MAGI1: variants seen among roughly 807,000 people sequenced by gnomAD.
MAGI1 encodes the protein membrane-associated guanylate kinase, WW and PDZ domain-containing protein 1.
Under a neutral mutation model 139.9 loss-of-function variants are expected in MAGI1, and 58 were observed. The ratio of observed to expected loss-of-function variants is 0.41; its 90% CI spans 0.34 to 0.52. The LOEUF (loss-of-function observed/expected upper bound fraction) is 0.52, where lower values mean the gene tolerates loss of function less well. MAGI1 is among the 20% of genes least tolerant of loss of function. The pLI, the probability that MAGI1 is intolerant of heterozygous loss-of-function variation, is 0.12. For synonymous variants in MAGI1, 812 were observed against 737.9 expected (o/e 1.10, Z -1.63); for missense variants, 1,874 against 1,901.6 (o/e 0.99, Z 0.27).
At chr3:65,717,090 A>C (rs1042261095) in intron 1 of MAGI1, among the ~76,000 whole-genome samples, 1 of 152,222 alleles carries the variant, frequency 6.6e-6, no homozygotes, top group African/African-American at 2.4e-5. Context: ...TGGGCAAATC[A>C]CATGAATCTT....
chr3:66,026,298 A>T (rs59110066), intron 1 of MAGI1, among the ~76,000 whole-genome samples: 1,993 of 152,308 alleles, frequency 0.013, 45 homozygotes, highest in African/African-American at 0.04. Context: ...GACCTTCAAC[A>T]TAATTAATTC....
At chr3:65,827,035 G>T (rs56753105) in intron 1 of MAGI1, among the ~76,000 whole-genome samples, 13,575 of 152,102 alleles carry the variant, frequency 0.089, 1,014 homozygotes, top group South Asian at 0.22. Flanking sequence ...ATTTCTCAAA[G>T]AAGTTCAGCA....
chr3:65,382,717 T>G (rs1320875053), intron 15 of MAGI1, among the ~76,000 whole-genome samples: 1 of 152,232 alleles, frequency 6.6e-6, no homozygotes, highest in Non-Finnish European at 1.5e-5. Flanking sequence ...AAATAGTTGC[T>G]AAGAACATGA....
chr3:65,530,865 A>ACG, intron 2 of MAGI1, among the ~76,000 whole-genome samples: 1 of 144,110 alleles, frequency 6.9e-6, no homozygotes, highest in African/African-American at 2.6e-5. Flanking sequence ...ATATATATAT[A>ACG]TATGGAGAGA....
At chr3:65,891,884 TAATATATATATATATATATATATATA>T (rs1391343190) in intron 1 of MAGI1, among the ~76,000 whole-genome samples, 1 of 85,886 alleles carries the variant, frequency 1.2e-5, no homozygotes, top group African/African-American at 4.8e-5. Context: ...ACTTAAAGTA[TAATATATATATATATATATATATATA>T]TATATATATA....
Position 65,628,977 on chromosome 3 carries a change from G to C in MAGI1, c.314-6889C>G, listed in dbSNP as rs11914751. Among the ~76,000 whole-genome samples, 1,140 of 152,106 alleles carry C rather than the reference G, an allele frequency of 7.5e-3. 12 individuals carry two copies. The highest frequency in any genetic ancestry group is 0.027 in the African/African-American group (1,103 of 41,482). ...TAAAAAGATATTCTTATATATTCTA[G>C]ATAGGGTTCCTTTAGCACTTATTTA... On this transcript the variant is annotated intron_variant, in intron 1 of 22. Transcript: ENST00000402939.
intron 1 of MAGI1, among the ~76,000 whole-genome samples, chr3:65,646,291 A>G (rs1037100546): frequency 6.6e-6 from 1 of 152,188 alleles, no homozygotes; most frequent in Non-Finnish European, 1.5e-5. Flanking sequence ...AAGAAACTTA[A>G]CATAGACAGG....
chr3:65,446,456 C>T (rs997139070), intron 7 of MAGI1, among the ~76,000 whole-genome samples: 4 of 152,200 alleles, frequency 2.6e-5, no homozygotes, highest in Admixed American at 6.5e-5. Context: ...CAAGTCACCA[C>T]GATATCACAG....
chr3:65,673,223 A>T (rs1187132535), intron 1 of MAGI1, among the ~76,000 whole-genome samples: 1 of 152,094 alleles, frequency 6.6e-6, no homozygotes, highest in Non-Finnish European at 1.5e-5. Flanking sequence ...CATTTCTCCT[A>T]ATGTTTATAC....
Position 65,382,060 on chromosome 3 carries a change from C to T in MAGI1, c.2518G>A (p.Gly840Ser). The change falls in exon 16 of 23, where the codon GGT becomes AGT. Residue 840 changes from glycine (G) to serine (S), a missense_variant. This residue lies in a region of MAGI1 where 482 missense variants were observed against 509.6 expected (regional missense o/e 0.95). Coordinates refer to ENST00000402939, the MANE Select transcript of MAGI1 (RefSeq NM_001033057.2). ...GNEPGEPIYI[G>S]HIVPLGAADT... ...GCAGCACCCAGTGGTACGATGTGAC[C>T]AATATAAATCTGTTGAGTAATTGAA... 6.2e-7 allele frequency: 1 copy of T among 1,603,410 alleles called. No individual in the cohort carries two copies. Among genetic ancestry groups the T allele is most frequent in the Non-Finnish European group, 8.5e-7 (1 of 1,174,404 alleles).
intron 17 of MAGI1, among the ~76,000 whole-genome samples, chr3:65,378,476 C>CATGTAGTAT (rs1559508128): frequency 1.3e-5 from 2 of 152,094 alleles, no homozygotes; most frequent in Admixed American, 1.3e-4. Flanking sequence ...TATTTTTACT[C>CATGTAGTAT]CTTACACCTC....
intron 2 of MAGI1, among the ~76,000 whole-genome samples, chr3:65,520,938 T>C (rs1576165767): frequency 6.6e-6 from 1 of 152,182 alleles, no homozygotes; most frequent in Admixed American, 6.6e-5. Flanking sequence ...GGCAAACATA[T>C]TAGCCAATTC....
At chr3:65,861,956 C>T (rs1382131143) in intron 1 of MAGI1, among the ~76,000 whole-genome samples, 1 of 152,160 alleles carries the variant, frequency 6.6e-6, no homozygotes, top group Admixed American at 6.6e-5. Flanking sequence ...ACCGGTAAGA[C>T]CTCTTGCACA....
intron 1 of MAGI1, among the ~76,000 whole-genome samples, chr3:66,007,891 A>ATTT (rs35578902): frequency 7.3e-5 from 9 of 122,504 alleles, no homozygotes; most frequent in East Asian, 2.3e-4. Flanking sequence ...GGCTCCATAG[A>ATTT]TTTTTTTTTT....
intron 1 of MAGI1, among the ~76,000 whole-genome samples, chr3:66,013,742 C>A (rs1331241473): frequency 2.1e-5 from 3 of 140,152 alleles, no homozygotes; most frequent in East Asian, 4.2e-4. Flanking sequence ...GCCAGGGCAA[C>A]AGAGTGAGAC....
Position 65,825,950 on chromosome 3 carries a change from G to A in MAGI1, c.314-203862C>T, listed in dbSNP as rs917061976. On this transcript the variant is annotated intron_variant, in intron 1 of 22. Coordinates refer to ENST00000402939, the MANE Select transcript of MAGI1 (RefSeq NM_001033057.2). ...TTGCAGTGAGCCAAGATCGTGCCAC[G>A]CACTCCAGCCTGGGCGACAGAGCAA... is the stretch of plus-strand genomic sequence containing the variant. Among the ~76,000 whole-genome samples, 7 of 151,926 alleles carry A rather than the reference G, an allele frequency of 4.6e-5. 1 individual carries two copies. The highest frequency in any genetic ancestry group is 1.5e-4 in the African/African-American group (6 of 41,360).
chr3:66,034,898 G>T (rs570904185), intron 1 of MAGI1, among the ~76,000 whole-genome samples: 2 of 152,202 alleles, frequency 1.3e-5, no homozygotes, highest in East Asian at 3.9e-4. Flanking sequence ...TATGGTGCAG[G>T]GGGAGGGGGG....
intron 1 of MAGI1, among the ~76,000 whole-genome samples, chr3:65,641,867 T>C (rs1424221224): frequency 6.6e-6 from 1 of 152,176 alleles, no homozygotes; most frequent in African/African-American, 2.4e-5. Flanking sequence ...TTCACACCAA[T>C]TCCTGAGAAA....
chr3:65,639,602 A>G (rs547815768), intron 1 of MAGI1, among the ~76,000 whole-genome samples: 27 of 152,184 alleles, frequency 1.8e-4, no homozygotes, highest in Non-Finnish European at 2.2e-4. Flanking sequence ...TAACATTTGT[A>G]TCAACGGACT....
Sources: allele counts gnomAD v4.1 joint callset (sites outside exome capture counted in the v4.1 genomes callset), GRCh38; gene constraint gnomAD v4.1.1; regional missense constraint gnomAD v4.1.1; transcripts MANE v1.5; gene names NCBI Gene and HGNC (gene_info 2026-07-23, HGNC 2026-07-21).